TERT: variants seen among roughly 807,000 people sequenced by gnomAD.
TERT encodes the protein telomerase reverse transcriptase, also known as telomerase catalytic subunit.
A neutral mutation model predicts 104.0 loss-of-function variants in TERT; 42 were observed. The observed-to-expected ratio is 0.40, with a 90% CI of 0.32 to 0.52. The LOEUF is 0.52. Ranked by LOEUF, TERT falls within the 20% of genes least tolerant of loss-of-function variation. The pLI, the probability that TERT is intolerant of heterozygous loss-of-function variation, is 0.43. For missense variants in TERT, 1,101 were observed against 1,610.3 expected (o/e 0.68, Z 5.41); for synonymous variants, 781 against 725.6 (o/e 1.08, Z -1.23).
intron 6 of TERT, among the ~76,000 whole-genome samples, chr5:1,277,958 G>A (rs867993127): frequency 2.0e-4 from 31 of 152,310 alleles, no homozygotes; most frequent in Middle Eastern, 6.8e-3. Flanking sequence ...CACCCCTGCC[G>A]AGCCCCAAGG....
Position 1,287,508 on chromosome 5 carries a change from AAT to A in TERT, c.1574-4886_1574-4885del, listed in dbSNP as rs762204084. 0.021 allele frequency among the ~76,000 whole-genome samples: 2,902 copies of A among 140,664 alleles called. 41 individuals are homozygous for A. Among genetic ancestry groups the A allele is most frequent in the Non-Finnish European group, 0.023 (1,498 of 65,530 alleles). The allele number at this position is 140,664 out of a possible 152,430, so 92.3% of individuals were successfully genotyped here. ...CCAAGACTCTGTCTCAAAAAAAAAAAATATATATATATATATATAAATTAAAG... is the reference window on the plus strand; with the variant it reads ...CCAAGACTCTGTCTCAAAAAAAAAAAATATATATATATATATAAATTAAAG... On this transcript the variant is annotated intron_variant, in intron 2 of 15. Coordinates refer to ENST00000310581, the MANE Select transcript of TERT (RefSeq NM_198253.3). This position sits in a 1 kb window ranked among gnomAD's most constrained non-coding sequence, Gnocchi z 4.3.
chr5:1,258,696 CCT>C, intron 12 of TERT, 37 bp from the exon 13 acceptor site: 1 of 1,528,292 alleles, frequency 6.5e-7, no homozygotes, highest in Non-Finnish European at 8.9e-7. Context: ...ACGGTAGAAA[CCT>C]CTCTGGGATT....
Position 1,293,827 on chromosome 5 carries a change from G to C in TERT, c.1059C>G (p.Ser353Arg). The C allele has an allele frequency of 6.5e-7, 1 of 1,549,680 alleles. No homozygotes were observed. Among genetic ancestry groups the C allele is most frequent in the Non-Finnish European group, 8.7e-7 (1 of 1,147,120 alleles). The change falls in exon 2 of 16, where the codon AGC becomes AGG. Residue 353 changes from serine (S) to arginine (R), a missense_variant. Transcript: ENST00000310581. ...CCACGAGCCTCCGAGCGCCAGTCAG[G>C]CTGGGCCTCAGAGAGCTGAGTAGGA... ...PSFLLSSLRP[S>R]LTGARRLVET... is the part of the protein sequence containing the mutation.
chr5:1,264,358 C>G (rs1478553904), intron 11 of TERT, 46 bp downstream of exon 11: 1 of 1,568,568 alleles, frequency 6.4e-7, no homozygotes, highest in Admixed American at 1.8e-5. Flanking sequence ...GCAGCAGCAC[C>G]TGCCCCAGCC....
At chr5:1,277,605 TGGGGGGG>T (rs35577391) in intron 6 of TERT, among the ~76,000 whole-genome samples, 3 of 122,542 alleles carry the variant, frequency 2.4e-5, no homozygotes, top group African/African-American at 9.4e-5. Context: ...AGCGGGGATG[TGGGGGGG>T]GGTCTCCTGG....
rs560421181 is a variant in TERT at position 1,274,352 on chromosome 5, A to C, written c.2287-2072T>G. 6.6e-6 allele frequency among the ~76,000 whole-genome samples: 1 copy of C among 152,208 alleles called. No homozygotes were observed. The highest frequency in any genetic ancestry group is 1.5e-5 in the Non-Finnish European group (1 of 68,032). On this transcript the variant is annotated intron_variant, in intron 6 of 15. Coordinates refer to ENST00000310581, the MANE Select transcript of TERT (RefSeq NM_198253.3). The surrounding 1 kb of genome is among the most constrained non-coding windows in gnomAD (Gnocchi z 5.3). ...GGCGGAAAGCATCACAGAAATCCGT[A>C]ATTATTCTGGACTCAACACAGAAAA...
intron 12 of TERT, among the ~76,000 whole-genome samples, chr5:1,260,126 C>T (rs915645802): frequency 2.6e-5 from 4 of 152,180 alleles, no homozygotes; most frequent in Non-Finnish European, 5.9e-5. Context: ...GGGGTGAACA[C>T]GAGGACCCCT....
intron 4 of TERT, 119 bp from the exon 5 acceptor site, chr5:1,279,589 G>A: frequency 9.8e-7 from 1 of 1,016,780 alleles, no homozygotes; most frequent in African/African-American, 1.6e-5. Flanking sequence ...CCAGACCCGG[G>A]ACCTAGAACC....
rs749572917 is a variant in TERT at position 1,286,802 on chromosome 5, G to C, written c.1574-4178C>G. Among the ~76,000 whole-genome samples the C allele has an allele frequency of 6.6e-6, 1 of 152,114 alleles. No homozygotes were observed. The highest frequency in any genetic ancestry group is 1.5e-5 in the Non-Finnish European group (1 of 68,022). On this transcript the variant is annotated intron_variant, in intron 2 of 15. Coordinates refer to ENST00000310581, the MANE Select transcript of TERT (RefSeq NM_198253.3). This position sits in a 1 kb window ranked among gnomAD's most constrained non-coding sequence, Gnocchi z 5.3. ...TTGAGGAATGAGAACTGCTTGAACCGAGGAGGCAGAGGTTGCAGTGAGCCG... is the reference window on the plus strand; with the variant it reads ...TTGAGGAATGAGAACTGCTTGAACCCAGGAGGCAGAGGTTGCAGTGAGCCG...
intron 2 of TERT, among the ~76,000 whole-genome samples, chr5:1,291,604 G>A (rs1382880856): frequency 8.8e-5 from 10 of 113,464 alleles, no homozygotes; most frequent in African/African-American, 9.8e-5. Context: ...CCCGGGGACA[G>A]TGCCTCACTC....
chr5:1,293,713 G>A lies in TERT; in HGVS notation c.1173C>T (p.Pro391=), dbSNP rs201505416. ...GGTTCCCAAGCAGCTCCAGAAACAG[G>A]GGCCGCATTTGCCAGTAGCGCTGGG... ...RLPQRYWQMR[P]LFLELLGNHA... Residue 391 remains proline (P), a synonymous_variant, in exon 2 of 16, where the codon CCC becomes CCT. Transcript: ENST00000310581. 5 of 1,573,306 alleles carry A rather than the reference G, an allele frequency of 3.2e-6. No individual in the cohort carries two copies. In the Middle Eastern group the frequency reaches 6.7e-4, roughly 209 times the overall value.
At position 1,274,295 on chromosome 5, in the gene TERT, C is replaced by G. The variant is rs1454323265; in HGVS notation, c.2287-2015G>C. Among the ~76,000 whole-genome samples the G allele has an allele frequency of 6.6e-6, 1 of 152,218 alleles. No individual in the cohort carries two copies. Among genetic ancestry groups the G allele is most frequent in the South Asian group, 2.1e-4 (1 of 4,824 alleles). ...CCCTTCCCAACCCAGGAGCAGGCAA[C>G]ACGCCCACAAATAGCCCATGGGTCT... On this transcript the variant is annotated intron_variant, in intron 6 of 15. Transcript: ENST00000310581. This position sits in a 1 kb window ranked among gnomAD's most constrained non-coding sequence, Gnocchi z 5.3.
Position 1,265,821 on chromosome 5 carries a change from G to C in TERT, c.2654+643C>G, listed in dbSNP as rs113802845. On this transcript the variant is annotated intron_variant, in intron 10 of 15. Transcript: ENST00000310581. This position sits in a 1 kb window ranked among gnomAD's most constrained non-coding sequence, Gnocchi z 6.9. ...ATCGCACTTTAAAACAAGCCCACCG[G>C]CTCTGTGGGGCGCCCTTGAGGGGGA... Among the ~76,000 whole-genome samples the C allele has an allele frequency of 7.2e-4, 109 of 152,250 alleles. No homozygotes were observed. The highest frequency in any genetic ancestry group is 2.3e-3 in the African/African-American group (95 of 41,536).
Position 1,279,480 on chromosome 5 carries a change from A to T in TERT, c.1951-10T>A. On this transcript the variant is annotated splice_polypyrimidine_tract_variant and intron_variant, in intron 4 of 15. Coordinates refer to ENST00000310581, the MANE Select transcript of TERT (RefSeq NM_198253.3). ...AGGTGAGACGCTCGGCCTGGCGGGG[A>T]CAGCATGGGAGACAGTCAGGAAAGT... 1 of 1,548,274 alleles carries T rather than the reference A, an allele frequency of 6.5e-7. No individual in the cohort carries two copies. Among genetic ancestry groups the T allele is most frequent in the South Asian group, 1.2e-5 (1 of 83,812 alleles).
rs536161434 is a variant in TERT at position 1,256,033 on chromosome 5, T to G, written c.3033-622A>C. 6.6e-6 allele frequency among the ~76,000 whole-genome samples: 1 copy of G among 152,178 alleles called. No individual in the cohort carries two copies. Among genetic ancestry groups the G allele is most frequent in the Admixed American group, 6.5e-5 (1 of 15,292 alleles). ...TCAGTCTTCTTTGTTGTTGTTGAGA[T>G]GGGCTCTCACTCTGTCACCCAGGCT... On this transcript the variant is annotated intron_variant, in intron 13 of 15. Transcript: ENST00000310581. The surrounding 1 kb of genome is among the most constrained non-coding windows in gnomAD (Gnocchi z 7.0).
intron 5 of TERT, 68 bp from the exon 6 acceptor site, chr5:1,278,864 G>A (rs1251559828): frequency 6.2e-7 from 1 of 1,605,996 alleles, no homozygotes. Flanking sequence ...TCTGCCCTCA[G>A]GGCCTGGCCT....
chr5:1,279,677 C>A (rs1305653231), intron 4 of TERT, among the ~76,000 whole-genome samples: 2 of 152,174 alleles, frequency 1.3e-5, no homozygotes, highest in Non-Finnish European at 2.9e-5. Context: ...TCATGCCACA[C>A]CTCTGTCCAC....
chr5:1,295,001 C>T lies in TERT; in HGVS notation c.-12G>A, dbSNP rs2126693294. The T allele has an allele frequency of 2.3e-6, 3 of 1,312,592 alleles. No homozygotes were observed. Among genetic ancestry groups the T allele is most frequent in the South Asian group, 2.3e-5 (1 of 43,130 alleles). 81.3% of individuals were successfully genotyped at this position (1,312,592 alleles called of 1,614,324 possible). ...GGAGCGCGCGGCATCGCGGGGGTGG[C>T]CGGGGCCAGGGCTTCCCACGTGCGC... On this transcript the variant is annotated 5_prime_UTR_variant, in exon 1 of 16. Coordinates refer to ENST00000310581, the MANE Select transcript of TERT (RefSeq NM_198253.3).
Position 1,294,275 on chromosome 5 carries a change from T to A in TERT, c.611A>T (p.Asn204Ile), listed in dbSNP as rs764473257. ...RRRLGCERAW[N>I]HSVREAGVPL... ...GACCCCGGCCTCCCTGACGCTATGGTTCCAGGCCCGTTCGCATCCCAGACG... is the reference window on the plus strand; with the variant it reads ...GACCCCGGCCTCCCTGACGCTATGGATCCAGGCCCGTTCGCATCCCAGACG... Residue 204 changes from asparagine to isoleucine, a missense_variant, in exon 2 of 16, where the codon AAC (asparagine) becomes ATC (isoleucine). Physicochemically the swap from Asn to Ile is moderately radical, Grantham distance 149 (BLOSUM62 -3). Transcript: ENST00000310581. 11 of 1,594,092 alleles carry A rather than the reference T, an allele frequency of 6.9e-6. No individual in the cohort carries two copies. The highest frequency in any genetic ancestry group is 9.3e-6 in the Non-Finnish European group (11 of 1,176,514).
Sources: gnomAD v4.1 joint callset for allele counts (sites outside exome capture counted in the v4.1 genomes callset) on GRCh38, gnomAD v4.1.1 for gene constraint, Gnocchi (gnomAD v3.1) non-coding constraint, MANE v1.5 for transcripts, NCBI Gene and HGNC (gene_info 2026-07-23, HGNC 2026-07-21) for gene names.